GRIA4: variants seen among roughly 807,000 people sequenced by gnomAD.
GRIA4 encodes glutamate ionotropic receptor AMPA type subunit 4.
In GRIA4, 34 loss-of-function variants were observed where a neutral mutation model predicts 104.0. The observed-to-expected ratio is 0.33, with a 90% confidence interval of 0.25 to 0.44. The LOEUF (loss-of-function observed/expected upper bound fraction) is 0.44. Ranked by LOEUF, GRIA4 falls within the 20% of genes least tolerant of loss-of-function variation. GRIA4 has a pLI of 1.00. For missense variants in GRIA4, 750 were observed against 1,096.5 expected (o/e 0.68, Z 4.46); for synonymous variants, 386 against 381.9 (o/e 1.01, Z -0.13).
intron 14 of GRIA4, among the ~76,000 whole-genome samples, chr11:105,971,541 G>C (rs1485440730): frequency 6.6e-6 from 1 of 152,168 alleles, no homozygotes; most frequent in African/African-American, 2.4e-5. Context: ...ATTTCAGTCT[G>C]TCTGTCAACC....
chr11:105,933,984 A>G lies in GRIA4; in HGVS notation c.2294+15A>G, dbSNP rs1947958162. 2 of 1,594,060 alleles carry G rather than the reference A, an allele frequency of 1.3e-6. No homozygotes were observed. Among genetic ancestry groups the G allele is most frequent in the African/African-American group, 1.3e-5 (1 of 74,512 alleles). ...TCCTCATTAAGGTGGGTGGAATAGT[A>G]TAACAATATAACATGTGTTGTTATA... On this transcript the variant is annotated intron_variant, in intron 14 of 16. Coordinates refer to ENST00000282499, the MANE Select transcript of GRIA4 (RefSeq NM_000829.4).
chr11:105,975,667 G>A (rs1184813469), intron 16 of GRIA4, among the ~76,000 whole-genome samples: 1 of 152,032 alleles, frequency 6.6e-6, no homozygotes, highest in Non-Finnish European at 1.5e-5. Context: ...GAACTTCCAA[G>A]AGATATTTGG....
intron 3 of GRIA4, among the ~76,000 whole-genome samples, chr11:105,659,584 C>T (rs1951946482): frequency 6.6e-6 from 1 of 151,842 alleles, no homozygotes; most frequent in Admixed American, 6.6e-5. Flanking sequence ...CAACATACCT[C>T]TATGTTTATA....
At chr11:105,877,875 G>C (rs537714417) in intron 5 of GRIA4, among the ~76,000 whole-genome samples, 1 of 152,256 alleles carries the variant, frequency 6.6e-6, no homozygotes, top group South Asian at 2.1e-4. Flanking sequence ...GCCTGCAGTA[G>C]TTTGTTATTA....
chr11:105,640,365 TG>T, intron 3 of GRIA4, among the ~76,000 whole-genome samples: 1 of 151,938 alleles, frequency 6.6e-6, no homozygotes, highest in East Asian at 1.9e-4. Context: ...TTAACATACC[TG>T]GGGGTAGACA....
chr11:105,893,348 C>G (rs1946522352), intron 6 of GRIA4, among the ~76,000 whole-genome samples: 1 of 152,064 alleles, frequency 6.6e-6, no homozygotes, highest in African/African-American at 2.4e-5. Flanking sequence ...TCTGAGAAAA[C>G]TGCTTCACTG....
chr11:105,732,888 T>C (rs1296986832), intron 3 of GRIA4, among the ~76,000 whole-genome samples: 3 of 152,204 alleles, frequency 2.0e-5, no homozygotes, highest in Non-Finnish European at 4.4e-5. Flanking sequence ...CAGAAAAGAA[T>C]GACTAACATC....
intron 3 of GRIA4, among the ~76,000 whole-genome samples, chr11:105,655,716 T>TTTATCCAGTCTA (rs1268267250): frequency 6.6e-6 from 1 of 152,198 alleles, no homozygotes; most frequent in Non-Finnish European, 1.5e-5. Context: ...CCACATTTTC[T>TTTATCCAGTCTA]TTATCCAGTC....
chr11:105,831,150 C>T (rs1943959897), intron 4 of GRIA4, among the ~76,000 whole-genome samples: 5 of 152,118 alleles, frequency 3.3e-5, no homozygotes, highest in Middle Eastern at 3.4e-3. Context: ...GATAGAATGT[C>T]CAAGATGGTT....
At chr11:105,714,944 G>A (rs1232030021) in intron 3 of GRIA4, among the ~76,000 whole-genome samples, 1 of 152,008 alleles carries the variant, frequency 6.6e-6, no homozygotes, top group Non-Finnish European at 1.5e-5. Flanking sequence ...AGCTTTTCTG[G>A]TCTCCAGTGT....
chr11:105,678,193 C>T (rs1207976904), intron 3 of GRIA4, among the ~76,000 whole-genome samples: 2 of 151,942 alleles, frequency 1.3e-5, no homozygotes, highest in East Asian at 1.9e-4. Flanking sequence ...TATATTTAAG[C>T]CAAGATTTGG....
At chr11:105,700,782 G>A (rs1953461297) in intron 3 of GRIA4, among the ~76,000 whole-genome samples, 1 of 152,046 alleles carries the variant, frequency 6.6e-6, no homozygotes, top group African/African-American at 2.4e-5. Flanking sequence ...CTCTTATGTG[G>A]ATGAATGCAT....
intron 14 of GRIA4, among the ~76,000 whole-genome samples, chr11:105,951,290 G>C (rs1173624909): frequency 6.6e-6 from 1 of 152,110 alleles, no homozygotes; most frequent in Non-Finnish European, 1.5e-5. Context: ...CAGTACTGTT[G>C]AACAGCTCAC....
chr11:105,969,146 C>T (rs891391039), intron 14 of GRIA4, among the ~76,000 whole-genome samples: 7 of 152,152 alleles, frequency 4.6e-5, no homozygotes, highest in African/African-American at 1.4e-4. Flanking sequence ...TAATTTGGCC[C>T]TTTGAAGAAT....
intron 14 of GRIA4, among the ~76,000 whole-genome samples, chr11:105,965,602 A>T (rs1858318651): frequency 6.6e-6 from 1 of 151,962 alleles, no homozygotes; most frequent in African/African-American, 2.4e-5. Flanking sequence ...GATCATTGGC[A>T]TTCTTAGAGG....
At chr11:105,677,186 T>C (rs544601979) in intron 3 of GRIA4, among the ~76,000 whole-genome samples, 20 of 151,958 alleles carry the variant, frequency 1.3e-4, no homozygotes, top group African/African-American at 4.6e-4. Context: ...TTTAGGAATG[T>C]TGCAAAGTTA....
intron 3 of GRIA4, among the ~76,000 whole-genome samples, chr11:105,739,073 G>A (rs569050768): frequency 2.0e-5 from 3 of 152,076 alleles, no homozygotes; most frequent in South Asian, 2.1e-4. Flanking sequence ...TTACGGTTAC[G>A]GATTAGTAGT....
chr11:105,780,436 A>G (rs571655528), intron 4 of GRIA4, among the ~76,000 whole-genome samples: 2 of 152,312 alleles, frequency 1.3e-5, no homozygotes, highest in Admixed American at 1.3e-4. Flanking sequence ...ATGCAGGTAA[A>G]TTCACTGGTT....
chr11:105,945,456 C>A, intron 14 of GRIA4: 1 of 921,918 alleles, frequency 1.1e-6, no homozygotes, highest in Non-Finnish European at 1.3e-6. Context: ...GGGTATTTCT[C>A]CCCTAGGAGG....
Sources: gnomAD v4.1 joint callset for allele counts (sites outside exome capture counted in the v4.1 genomes callset) on GRCh38, gnomAD v4.1.1 for gene constraint, MANE v1.5 for transcripts, NCBI Gene and HGNC (gene_info 2026-07-23, HGNC 2026-07-21) for gene names.